Variants in RAD51AP2 observed in about 807,000 individuals in gnomAD.
RAD51AP2 encodes the protein RAD51-associated protein 2.
RAD51AP2 carries 67 observed loss-of-function variants against 85.5 expected under a neutral mutation model. The ratio of observed to expected loss-of-function variants is 0.78; its 90% CI spans 0.64 to 0.96. RAD51AP2 has a LOEUF of 0.96. Among genes scored for constraint, RAD51AP2 ranks in the 40% least tolerant of loss-of-function variants. The pLI is 0.00. For synonymous variants in RAD51AP2, 474 were observed against 446.5 expected (o/e 1.06, Z -0.78); for missense variants, 1,307 against 1,332.4 (o/e 0.98, Z 0.30).
At chr2:17,522,057 T>G (rs1484563228), upstream of RAD51AP2, among the ~76,000 whole-genome samples, 1 of 152,068 alleles carries the variant, frequency 6.6e-6, no homozygotes. Flanking sequence ...TACTAGTCTC[T>G]TCTCAACTTC....
chr2:17,515,962 C>T lies in RAD51AP2; in HGVS notation c.2454G>A (p.Trp818Ter). 1.9e-6 allele frequency: 3 copies of T among 1,607,776 alleles called. No individual in the cohort carries two copies. Among genetic ancestry groups the T allele is most frequent in the Non-Finnish European group, 1.7e-6 (2 of 1,178,542 alleles). Reference sequence around the variant, plus strand: ...TTTCTTCTATTTCACTTAGCAAGTTCCAAAAATTTAGTACTTGAGTTATAG... The same window carrying T: ...TTTCTTCTATTTCACTTAGCAAGTTTCAAAAATTTAGTACTTGAGTTATAG... The part of the protein sequence containing the change: ...TTSITQVLNF[W>*]NLLSEIEEKK... Residue 818 changes from tryptophan to a stop codon, truncating the protein, a stop_gained, in exon 1 of 3, where the codon TGG becomes TGA. Transcript: ENST00000399080. LOFTEE classifies it high-confidence loss of function.
At chr2:17,526,200 A>ATTTTCTTTT in the RAD51AP2 span, among the ~76,000 whole-genome samples, 2 of 152,070 alleles carry the variant, frequency 1.3e-5, no homozygotes, top group South Asian at 2.1e-4. Context: ...AAGACAGAGG[A>ATTTTCTTTT]TTTTCTTTTT....
chr2:17,536,402 G>A, the RAD51AP2 span, among the ~76,000 whole-genome samples: 18 of 152,306 alleles, frequency 1.2e-4, no homozygotes, highest in South Asian at 3.7e-3. Context: ...CATCATTTAT[G>A]GAGTGTTGCC....
At chr2:17,513,401 C>A (rs1214991512) in intron 2 of RAD51AP2, among the ~76,000 whole-genome samples, 1 of 151,872 alleles carries the variant, frequency 6.6e-6, no homozygotes, top group Non-Finnish European at 1.5e-5. Flanking sequence ...CCATGCCTGG[C>A]TAATTTTTAT....
intron 2 of RAD51AP2, among the ~76,000 whole-genome samples, chr2:17,512,014 T>C (rs1027006548): frequency 1.3e-5 from 2 of 152,100 alleles, no homozygotes; most frequent in African/African-American, 2.4e-5. Flanking sequence ...TCCTCCTCCA[T>C]TGGTCTAAAT....
upstream of RAD51AP2, among the ~76,000 whole-genome samples, chr2:17,520,076 A>G (rs1278747864): frequency 6.6e-6 from 1 of 152,122 alleles, no homozygotes; most frequent in Non-Finnish European, 1.5e-5. Flanking sequence ...ACAACTCTAC[A>G]TTGTTTAAGG....
At chr2:17,532,612 C>G in the RAD51AP2 span, among the ~76,000 whole-genome samples, 2 of 152,072 alleles carry the variant, frequency 1.3e-5, no homozygotes, top group African/African-American at 4.8e-5. Flanking sequence ...TTCTTTAGAC[C>G]CTTTTGGAGG....
chr2:17,519,770 T>A (rs1662816698), upstream of RAD51AP2, among the ~76,000 whole-genome samples: 1 of 152,230 alleles, frequency 6.6e-6, no homozygotes, highest in Non-Finnish European at 1.5e-5. Flanking sequence ...CTCCAAGTTC[T>A]ACTTCTGTGT....
chr2:17,517,983 C>T lies in RAD51AP2; in HGVS notation c.433G>A (p.Val145Met). Residue 145 changes from valine to methionine, a missense_variant, in exon 1 of 3, where the codon GTG becomes ATG. Val to Met is a conservative substitution (Grantham distance 21). This residue lies in a region of RAD51AP2 where 635 missense variants were observed against 643.6 expected (regional missense o/e 0.99). Transcript: ENST00000399080. Reference protein sequence around the residue: ...AGLHDREAFSVHRSNSSKAGV... With the variant: ...AGLHDREAFSMHRSNSSKAGV... ...GCTTTGGAGCTATTACTGCGGTGCA[C>T]ACTGAAAGCCTCTCTGTCATGCAGG... The T allele has an allele frequency of 6.2e-7, 1 of 1,614,222 alleles. No individual in the cohort carries two copies.
At chr2:17,528,009 A>G in the RAD51AP2 span, among the ~76,000 whole-genome samples, 1 of 152,238 alleles carries the variant, frequency 6.6e-6, no homozygotes, top group Non-Finnish European at 1.5e-5. Flanking sequence ...GAAAAATGAT[A>G]TAATTTATAC....
At chr2:17,513,566 T>A (rs922875760) in intron 2 of RAD51AP2, among the ~76,000 whole-genome samples, 1 of 152,130 alleles carries the variant, frequency 6.6e-6, no homozygotes, top group Admixed American at 6.5e-5. Context: ...ATCGAAAGTA[T>A]AAACATCAGT....
At chr2:17,519,974 T>A (rs990827345), upstream of RAD51AP2, among the ~76,000 whole-genome samples, 2 of 152,212 alleles carry the variant, frequency 1.3e-5, no homozygotes, top group East Asian at 3.8e-4. Flanking sequence ...CTAGTCTAGA[T>A]TGATCTGTAA....
chr2:17,518,939 A>C (rs1662792726), upstream of RAD51AP2, among the ~76,000 whole-genome samples: 1 of 152,064 alleles, frequency 6.6e-6, no homozygotes, highest in Admixed American at 6.5e-5. Flanking sequence ...GTATGGAAAA[A>C]CTTTTTAATC....
the RAD51AP2 span, among the ~76,000 whole-genome samples, chr2:17,532,365 C>T: frequency 6.6e-6 from 1 of 152,206 alleles, no homozygotes; most frequent in South Asian, 2.1e-4. Context: ...TGTTCTCTGG[C>T]TTGTGCATAA....
Position 17,514,033 on chromosome 2 carries a change from A to G in RAD51AP2, c.3307T>C (p.Phe1103Leu). 2.5e-6 allele frequency: 4 copies of G among 1,570,524 alleles called. No homozygotes were observed. Among genetic ancestry groups the G allele is most frequent in the Middle Eastern group, 1.7e-4 (1 of 5,966 alleles). The change falls in exon 2 of 3, where the codon TTT becomes CTT. Residue 1103 changes from phenylalanine (F) to leucine (L), a missense_variant. Phe to Leu is a conservative substitution (Grantham distance 22). Coordinates refer to ENST00000399080, the MANE Select transcript of RAD51AP2 (RefSeq NM_001099218.3). ...TTACCTCCTCTCAATAAATAATTAA[A>G]TTCTTCTTTACATTCATCAGGGAGA... ...AFLPDECKEE[F>L]NYLLRGGSHF... is the part of the protein sequence containing the mutation.
chr2:17,526,720 T>C, the RAD51AP2 span, among the ~76,000 whole-genome samples: 2 of 152,092 alleles, frequency 1.3e-5, no homozygotes, highest in African/African-American at 4.8e-5. Context: ...AACAGAAATG[T>C]AGCATCATTC....
the RAD51AP2 span, among the ~76,000 whole-genome samples, chr2:17,533,734 C>A: frequency 1.3e-5 from 2 of 151,980 alleles, no homozygotes; most frequent in African/African-American, 4.8e-5. Flanking sequence ...GTCAACCTGG[C>A]CAGATTCCAT....
chr2:17,522,969 C>A (rs994486705), upstream of RAD51AP2, among the ~76,000 whole-genome samples: 6 of 151,748 alleles, frequency 4.0e-5, no homozygotes, highest in Admixed American at 1.3e-4. Context: ...AATTTTATAT[C>A]CTGAAAGAAA....
rs1662658073 is a variant in RAD51AP2 at position 17,516,181 on chromosome 2, G to C, written c.2235C>G (p.Asn745Lys). The change falls in exon 1 of 3, where the codon AAC becomes AAG. Residue 745 changes from asparagine to lysine, a missense_variant. By Grantham distance (94) the Asn-to-Lys change is moderately conservative. This residue lies in a region of RAD51AP2 where 668 missense variants were observed against 671.0 expected (regional missense o/e 1.00). Transcript: ENST00000399080. ...GNSCPQFIQN[N>K]RGYINENFYE... ...AAAAATTTTCATTAATGTATCCTCG[G>C]TTGTTCTGTATAAATTGAGGACAAG... The C allele has an allele frequency of 6.2e-7, 1 of 1,613,120 alleles. No homozygotes were observed. The highest frequency in any genetic ancestry group is 1.7e-5 in the Admixed American group (1 of 59,978).
Sources: allele counts gnomAD v4.1 joint callset (sites outside exome capture counted in the v4.1 genomes callset), GRCh38; gene constraint gnomAD v4.1.1; regional missense constraint gnomAD v4.1.1; transcripts MANE v1.5; gene names NCBI Gene and HGNC (gene_info 2026-07-23, HGNC 2026-07-21).